Variants in PFKFB3 observed in about 807,000 individuals in gnomAD.
The protein encoded by PFKFB3 is 6-phosphofructo-2-kinase/fructose-2,6-biphosphatase 3.
A neutral mutation model predicts 68.0 loss-of-function variants in PFKFB3; 33 were observed. The ratio of observed to expected loss-of-function variants is 0.49; its 90% CI spans 0.37 to 0.65. The LOEUF (loss-of-function observed/expected upper bound fraction) is 0.65, where lower values mean the gene tolerates loss of function less well. PFKFB3 is among the 30% of genes least tolerant of loss of function. The pLI, the probability that PFKFB3 is intolerant of heterozygous loss-of-function variation, is 0.00. For missense variants in PFKFB3, 586 were observed against 712.2 expected, an observed-to-expected ratio of 0.82 and a Z score of 2.02; for synonymous variants, 315 against 288.2, an observed-to-expected ratio of 1.09 and a Z score of -0.94.
At position 6,233,217 on chromosome 10, in the gene PFKFB3, C is replaced by T. The variant is rs56656269; in HGVS notation, c.*275C>T. The T allele has an allele frequency of 0.055, 24,612 of 450,352 alleles. 773 individuals are homozygous for T. Among genetic ancestry groups the T allele is most frequent in the Middle Eastern group, 0.094 (154 of 1,632 alleles). 27.9% of individuals were successfully genotyped at this position (450,352 alleles called of 1,614,324 possible). ...TCCTAGGAATGTCCAGCCTCGGAGACCTTCACAAAGCCTTGGGAGGGTGAT... is the reference window on the plus strand; with the variant it reads ...TCCTAGGAATGTCCAGCCTCGGAGATCTTCACAAAGCCTTGGGAGGGTGAT... On this transcript the variant is annotated 3_prime_UTR_variant, in exon 15 of 15. Coordinates refer to ENST00000379775, the MANE Select transcript of PFKFB3 (RefSeq NM_004566.4).
At chr10:6,270,795 T>A in the PFKFB3 span, among the ~76,000 whole-genome samples, 1 of 152,278 alleles carries the variant, frequency 6.6e-6, no homozygotes, top group African/African-American at 2.4e-5. Flanking sequence ...ATTGGTGTCA[T>A]TATTTGCTTC....
chr10:6,201,926 G>A (rs1843375744), upstream of PFKFB3, among the ~76,000 whole-genome samples: 2 of 152,206 alleles, frequency 1.3e-5, no homozygotes, highest in South Asian at 4.1e-4. This position sits in a 1 kb window ranked among gnomAD's most constrained non-coding sequence, Gnocchi z 4.1. Flanking sequence ...GCGAGGGCCG[G>A]GAAAGGAGAC....
chr10:6,170,201 G>A (rs75259891), intron 1 of PFKFB3, among the ~76,000 whole-genome samples: 3,661 of 152,306 alleles, frequency 0.024, 72 homozygotes, highest in Non-Finnish European at 0.038. Context: ...TCCCCAAACA[G>A]AGGTGATGGT....
the PFKFB3 span, among the ~76,000 whole-genome samples, chr10:6,306,081 G>T: frequency 1.3e-5 from 2 of 152,170 alleles, no homozygotes; most frequent in African/African-American, 4.8e-5. Context: ...GGAGAGCAGA[G>T]GCTCTTCACA....
chr10:6,299,902 A>G, the PFKFB3 span, among the ~76,000 whole-genome samples: 1 of 148,368 alleles, frequency 6.7e-6, no homozygotes, highest in East Asian at 2.0e-4. Context: ...TGAACATTTT[A>G]AGGCGTCGAT....
intron 1 of PFKFB3, among the ~76,000 whole-genome samples, chr10:6,178,070 T>C (rs973613570): frequency 8.5e-5 from 13 of 152,110 alleles, no homozygotes; most frequent in Non-Finnish European, 1.8e-4. Flanking sequence ...AGCCAAGGCG[T>C]CCAAGGAGGC....
chr10:6,194,913 C>T (rs1843135767), intron 1 of PFKFB3, among the ~76,000 whole-genome samples: 1 of 151,100 alleles, frequency 6.6e-6, no homozygotes. Flanking sequence ...TGCTCTATCA[C>T]CCAGGCTGGA....
the PFKFB3 span, among the ~76,000 whole-genome samples, chr10:6,269,338 G>A: frequency 6.6e-6 from 1 of 151,404 alleles, no homozygotes; most frequent in Non-Finnish European, 1.5e-5. Flanking sequence ...GATGATTTAT[G>A]TACTTATTTA....
chr10:6,291,508 T>C, the PFKFB3 span, among the ~76,000 whole-genome samples: 4,665 of 148,558 alleles, frequency 0.031, 221 homozygotes, highest in African/African-American at 0.11. Context: ...GCAGAGATTG[T>C]GCCGCTGCAC....
At chr10:6,193,493 T>C (rs1843087503) in intron 1 of PFKFB3, among the ~76,000 whole-genome samples, 1 of 152,230 alleles carries the variant, frequency 6.6e-6, no homozygotes, top group South Asian at 2.1e-4. Flanking sequence ...TAGGATCTGG[T>C]GATTCAAAGA....
At chr10:6,212,851 C>T (rs1844319134) in intron 1 of PFKFB3, among the ~76,000 whole-genome samples, 1 of 152,114 alleles carries the variant, frequency 6.6e-6, no homozygotes, top group Non-Finnish European at 1.5e-5. Flanking sequence ...TTTAGAAACT[C>T]TGCCCATACC....
intron 1 of PFKFB3, 91 bp downstream of exon 1, chr10:6,203,427 G>C (rs1037331001): frequency 6.8e-6 from 6 of 879,764 alleles, no homozygotes; most frequent in African/African-American, 5.4e-5. Flanking sequence ...GCCCCTCTGC[G>C]GGGGGCGCGC....
exon 1 of PFKFB3, chr10:6,145,006 C>T: frequency 7.5e-7 from 1 of 1,339,552 alleles, no homozygotes; most frequent in East Asian, 3.1e-5. Context: ...CGATGCCCTT[C>T]AGGAAAGGTA....
chr10:6,321,961 G>A, the PFKFB3 span, among the ~76,000 whole-genome samples: 10 of 152,038 alleles, frequency 6.6e-5, no homozygotes, highest in East Asian at 1.9e-4. Context: ...TCTCCCATTC[G>A]TTCTGCTCTT....
rs7898529 is a variant in PFKFB3, at chr10:6,210,345, T to G, written c.77-3278T>G. On this transcript the variant is annotated intron_variant, in intron 1 of 14. Coordinates refer to ENST00000379775, the MANE Select transcript of PFKFB3 (RefSeq NM_004566.4). Reference sequence around the variant, plus strand: ...AGGCGCCCCTCTCTTTGTTTTTTTTTGTTTTTTTTTGTTTTTTTGTTTTTT... The same window carrying G: ...AGGCGCCCCTCTCTTTGTTTTTTTTGGTTTTTTTTTGTTTTTTTGTTTTTT... Among the ~76,000 whole-genome samples the G allele has an allele frequency of 5.6e-3, 219 of 38,986 alleles. 26 individuals are homozygous for G. The highest frequency in any genetic ancestry group is 9.5e-3 in the African/African-American group (190 of 19,908). 25.6% of individuals were successfully genotyped at this position (38,986 alleles called of 152,430 possible).
At chr10:6,222,722 C>T in intron 10 of PFKFB3, 133 bp from the exon 11 acceptor site, 1 of 979,232 alleles carries the variant, frequency 1.0e-6, no homozygotes, top group East Asian at 2.9e-5. Context: ...AAACCCTGCT[C>T]CTTCTCAACC....
chr10:6,221,843 T>A, intron 10 of PFKFB3, 98 bp downstream of exon 10: 2 of 774,124 alleles, frequency 2.6e-6, no homozygotes, highest in South Asian at 3.2e-5. Context: ...TCCGTGTGGG[T>A]TCTGGGGGCT....
the PFKFB3 span, among the ~76,000 whole-genome samples, chr10:6,310,470 C>T: frequency 0.014 from 2,061 of 147,526 alleles, 18 homozygotes; most frequent in Non-Finnish European, 0.021. Flanking sequence ...AAAAGATATT[C>T]GAAAAAAAAA....
intron 1 of PFKFB3, among the ~76,000 whole-genome samples, chr10:6,145,677 T>C (rs1841364511): frequency 6.6e-6 from 1 of 152,026 alleles, no homozygotes; most frequent in Non-Finnish European, 1.5e-5. Flanking sequence ...CCCAGTTGCC[T>C]CCTGGGCAAA....
Sources: gnomAD v4.1 joint callset for allele counts (sites outside exome capture counted in the v4.1 genomes callset) on GRCh38, gnomAD v4.1.1 for gene constraint, Gnocchi (gnomAD v3.1) non-coding constraint, MANE v1.5 for transcripts, NCBI Gene and HGNC (gene_info 2026-07-23, HGNC 2026-07-21) for gene names.